The following MMP12 variants were observed in gnomAD, a reference collection of about 807,000 sequenced individuals.
MMP12 encodes macrophage metalloelastase.
MMP12 carries 51 observed loss-of-function variants against 45.2 expected under a neutral mutation model. The ratio of observed to expected loss-of-function variants is 1.13; its 90% CI spans 0.90 to 1.42. The LOEUF (loss-of-function observed/expected upper bound fraction) is 1.42. MMP12 is among the 40% of genes most tolerant of loss of function. The pLI is 0.00. For missense variants in MMP12, 530 were observed against 570.8 expected (o/e 0.93, Z 0.73); for synonymous variants, 210 against 193.3 (o/e 1.09, Z -0.72).
intron 8 of MMP12, among the ~76,000 whole-genome samples, chr11:102,864,755 A>C (rs1292638659): frequency 2.6e-5 from 4 of 152,222 alleles, no homozygotes; most frequent in Non-Finnish European, 5.9e-5. Context: ...TTCTCTCTTA[A>C]ATTCTCTTTT....
chr11:102,863,452 A>T (rs577445632), intron 9 of MMP12, among the ~76,000 whole-genome samples: 2 of 152,284 alleles, frequency 1.3e-5, no homozygotes, highest in African/African-American at 4.8e-5. Flanking sequence ...ATAAAAAATA[A>T]GATGAGATGT....
intron 2 of MMP12, among the ~76,000 whole-genome samples, chr11:102,872,559 T>C (rs1156392228): frequency 6.6e-6 from 1 of 152,168 alleles, no homozygotes; most frequent in Non-Finnish European, 1.5e-5. Context: ...GCCAGGATGG[T>C]CTCCATCTCC....
intron 1 of MMP12, 75 bp downstream of exon 1, chr11:102,874,761 A>C (rs1565235749): frequency 9.8e-7 from 1 of 1,024,570 alleles, no homozygotes; most frequent in Non-Finnish European, 1.5e-6. Flanking sequence ...ACAAACAAAC[A>C]AACAAACTGG....
intron 5 of MMP12, 96 bp downstream of exon 5, chr11:102,867,812 G>A (rs1859422168): frequency 7.7e-7 from 1 of 1,306,282 alleles, no homozygotes; most frequent in Non-Finnish European, 1.1e-6. Context: ...CTTAAAAAAA[G>A]ACAGATATTA....
chr11:102,868,374 G>A (rs545068737), intron 4 of MMP12, among the ~76,000 whole-genome samples: 1 of 152,234 alleles, frequency 6.6e-6, no homozygotes, highest in African/African-American at 2.4e-5. Context: ...GGACAAAATT[G>A]CCTAGGGTTA....
At chr11:102,874,525 A>G (rs1234487403) in intron 1 of MMP12, among the ~76,000 whole-genome samples, 1 of 152,216 alleles carries the variant, frequency 6.6e-6, no homozygotes, top group African/African-American at 2.4e-5. Context: ...GCATTTAATG[A>G]TTAGTGTAAA....
rs782446974 is a variant in MMP12 at position 102,872,896 on chromosome 11, G to C, written c.319C>G (p.Pro107Ala). The C allele has an allele frequency of 1.9e-6, 3 of 1,613,660 alleles. No homozygotes were observed. The highest frequency in any genetic ancestry group is 2.5e-6 in the Non-Finnish European group (3 of 1,179,808). The change falls in exon 2 of 10, where the codon CCC (proline) becomes GCC (alanine). Residue 107 changes from proline to alanine, a missense_variant. Physicochemically the swap from Pro to Ala is conservative, Grantham distance 27 (BLOSUM62 -1). Coordinates refer to ENST00000571244, the MANE Select transcript of MMP12 (RefSeq NM_002426.6). ...VHHFREMPGG[P>A]VWRKHYITYR... ...GTGATATAATGTTTCCTCCATACGG[G>C]CCCCCCTGGCATTTCCCTGAAATGA...
chr11:102,865,835 T>C lies in MMP12; in HGVS notation c.1146A>G (p.Ala382=), dbSNP rs781995347. The change falls in exon 8 of 10, where the codon GCA becomes GCG. Residue 382 remains alanine (A), a synonymous_variant. Coordinates refer to ENST00000571244, the MANE Select transcript of MMP12 (RefSeq NM_002426.6). This position sits in a 1 kb window ranked among gnomAD's most constrained non-coding sequence, Gnocchi z 4.1. ...GFPNFVKKID[A]AVFNPRFYRT... is the part of the protein sequence containing the mutation. ...TATAAAAACGTGGGTTAAAAACAGCTGCATCAATTTTTTTCACAAAGTTAG... is the reference window on the plus strand; with the variant it reads ...TATAAAAACGTGGGTTAAAAACAGCCGCATCAATTTTTTTCACAAAGTTAG... 6.2e-6 allele frequency: 10 copies of C among 1,613,084 alleles called. No homozygotes were observed. The highest frequency in any genetic ancestry group is 3.3e-4 in the Middle Eastern group (2 of 6,058).
In MMP12 at chr11:102,873,420, C is replaced by G. The variant is rs28360360; in HGVS notation, c.103-308G>C. Among the ~76,000 whole-genome samples the G allele has an allele frequency of 3.0e-4, 46 of 151,980 alleles. 1 individual carries two copies. In the East Asian group the frequency reaches 8.7e-3, roughly 29 times the overall value. On this transcript the variant is annotated intron_variant, in intron 1 of 9. Transcript: ENST00000571244. ...TTCAAGACTAGCCTGGACAACATGG[C>G]GAAACCTCCTCTGTACAAAAAACAC...
chr11:102,873,571 G>C (rs1363152400), intron 1 of MMP12, among the ~76,000 whole-genome samples: 1 of 152,048 alleles, frequency 6.6e-6, no homozygotes, highest in Admixed American at 6.6e-5. Flanking sequence ...CTGCACTCCA[G>C]CCTGGATGAC....
At chr11:102,873,426 C>A (rs1331369381) in intron 1 of MMP12, among the ~76,000 whole-genome samples, 1 of 152,040 alleles carries the variant, frequency 6.6e-6, no homozygotes, top group East Asian at 1.9e-4. Flanking sequence ...ATGGCGAAAC[C>A]TCCTCTGTAC....
chr11:102,867,473 T>A lies in MMP12; in HGVS notation c.788-80A>T, dbSNP rs1859413409. 24 of 1,287,306 alleles carry A rather than the reference T, an allele frequency of 1.9e-5. No individual in the cohort carries two copies. The South Asian group carries it at 4.1e-4, about 22-fold the overall frequency. The allele number at this position is 1,287,306 out of a possible 1,614,324, so 79.7% of individuals were successfully genotyped here. A position where few individuals can be genotyped will look rare whatever the true frequency, so the allele number is the denominator to read the frequency against. ...GGAGGAACAGTTATGTTTTAAATAC[T>A]CAATTTTCTTAATGAACATTGCATC... On this transcript the variant is annotated intron_variant, in intron 5 of 9. Transcript: ENST00000571244.
chr11:102,873,172 C>A, intron 1 of MMP12, 60 bp from the exon 2 acceptor site: 3 of 1,489,950 alleles, frequency 2.0e-6, no homozygotes, highest in South Asian at 2.5e-5. Context: ...CTGTTGGGAG[C>A]TCCACATATA....
rs1192601155 is a variant in MMP12 at position 102,871,523 on chromosome 11, G to T, written c.625+71C>A. On this transcript the variant is annotated intron_variant, in intron 4 of 9. Coordinates refer to ENST00000571244, the MANE Select transcript of MMP12 (RefSeq NM_002426.6). The stretch of plus-strand genomic sequence containing the variant: ...CTCTCGAAACCAGAATTTTGAATTT[G>T]TTAGGGTTTTTGTTGTTTTCCTTTC... The T allele has an allele frequency of 4.6e-6, 7 of 1,517,658 alleles. No homozygotes were observed. In the African/African-American group the frequency reaches 9.7e-5, roughly 21 times the overall value. 94.0% of individuals were successfully genotyped at this position (1,517,658 alleles called of 1,614,324 possible).
chr11:102,863,638 A>G (rs1384239270), intron 9 of MMP12, among the ~76,000 whole-genome samples: 1 of 152,088 alleles, frequency 6.6e-6, no homozygotes, highest in African/African-American at 2.4e-5. Flanking sequence ...CAAACAAAAA[A>G]TCTTGACCCC....
Position 102,866,336 on chromosome 11 carries a change from T to A in MMP12, c.1024A>T (p.Asn342Tyr). The change falls in exon 7 of 10, where the codon AAT (asparagine) becomes TAT (tyrosine). Residue 342 changes from asparagine (N) to tyrosine (Y), a missense_variant. Asn to Tyr is a moderately radical substitution (Grantham distance 143). Transcript: ENST00000571244. ...TTACCTTTAAAAAGAAAAACTTGAT[T>A]TCTGGCTTCAATTTCATAAGCAGCT... ...IEAAYEIEAR[N>Y]QVFLFKDDKY... 6.3e-7 allele frequency: 1 copy of A among 1,586,400 alleles called. No homozygotes were observed. Among genetic ancestry groups the A allele is most frequent in the Non-Finnish European group, 8.6e-7 (1 of 1,166,288 alleles).
chr11:102,874,913 G>A lies in MMP12; in HGVS notation c.25C>T (p.Leu9=), dbSNP rs1304443965. The A allele has an allele frequency of 1.9e-6, 3 of 1,601,578 alleles. No individual in the cohort carries two copies. The highest frequency in any genetic ancestry group is 3.4e-5 in the Admixed American group (2 of 58,282). Residue 9 remains leucine, a synonymous_variant, in exon 1 of 10, where the codon CTG becomes TTG. Coordinates refer to ENST00000571244, the MANE Select transcript of MMP12 (RefSeq NM_002426.6). ...AGAGCTCCAGAAGCAGTGGCCTGCA[G>A]GAGCAGTATTAGAAGAAACTTCATT... The part of the protein sequence containing the change: MKFLLILL[L]QATASGALPL...
Position 102,868,073 on chromosome 11 carries a change from A to C in MMP12, c.626-4T>G. 3.8e-6 allele frequency: 6 copies of C among 1,589,176 alleles called. No individual in the cohort carries two copies. Among genetic ancestry groups the C allele is most frequent in the Non-Finnish European group, 3.4e-6 (4 of 1,166,902 alleles). On this transcript the variant is annotated splice_polypyrimidine_tract_variant and splice_region_variant and intron_variant, in intron 4 of 9. Transcript: ENST00000571244. ...GCAGTGAGGAACAAGTTTGTGCCTA[A>C]GAAGAAACCAACCAAAAGACAGCTG...
At chr11:102,868,277 A>G (rs537453076) in intron 4 of MMP12, among the ~76,000 whole-genome samples, 1 of 152,324 alleles carries the variant, frequency 6.6e-6, no homozygotes, top group South Asian at 2.1e-4. Context: ...TAGAAATCTC[A>G]GGTTTTACCC....
Sources: gnomAD v4.1 joint callset for allele counts (sites outside exome capture counted in the v4.1 genomes callset) on GRCh38, gnomAD v4.1.1 for gene constraint, Gnocchi (gnomAD v3.1) non-coding constraint, MANE v1.5 for transcripts, NCBI Gene and HGNC (gene_info 2026-07-23, HGNC 2026-07-21) for gene names.